Variants in PLAA observed in about 807,000 individuals in gnomAD.
The protein encoded by PLAA is phospholipase A2 activating protein.
In PLAA, 48 loss-of-function variants were observed where a neutral mutation model predicts 84.1. That is an observed-to-expected ratio of 0.57 (90% confidence interval 0.45 to 0.73). The LOEUF (loss-of-function observed/expected upper bound fraction) is 0.73, where lower values mean the gene tolerates loss of function less well. Ranked by LOEUF, PLAA falls within the 30% of genes least tolerant of loss-of-function variation. The pLI, the probability that PLAA is intolerant of heterozygous loss-of-function variation, is 0.00. For missense variants in PLAA, 903 were observed against 954.7 expected, an observed-to-expected ratio of 0.95 and a Z score of 0.71; for synonymous variants, 392 against 336.6, an observed-to-expected ratio of 1.16 and a Z score of -1.80.
chr9:26,927,146 A>C (rs1480661299), intron 4 of PLAA, among the ~76,000 whole-genome samples: 1 of 79,296 alleles, frequency 1.3e-5, no homozygotes, highest in Non-Finnish European at 2.2e-5. Context: ...TTTGAGATGG[A>C]GTCTCACTTT....
At chr9:26,906,931 C>T (rs1465714483) in intron 13 of PLAA, among the ~76,000 whole-genome samples, 1 of 146,090 alleles carries the variant, frequency 6.8e-6, no homozygotes, top group Non-Finnish European at 1.5e-5. Flanking sequence ...AGGATTTCAC[C>T]TAAAAAAAAA....
intron 10 of PLAA, chr9:26,916,532 G>T: frequency 1.0e-6 from 1 of 987,020 alleles, no homozygotes; most frequent in Non-Finnish European, 1.2e-6. Context: ...CTCCTGGGTA[G>T]TTGGGTGGAA....
chr9:26,931,770 G>A (rs575032673), intron 2 of PLAA, among the ~76,000 whole-genome samples: 2 of 152,242 alleles, frequency 1.3e-5, no homozygotes, highest in African/African-American at 2.4e-5. Flanking sequence ...GGCTGGGCAC[G>A]GTGGCTCATG....
intron 7 of PLAA, 85 bp from the exon 8 acceptor site, chr9:26,920,469 AT>A: frequency 1.3e-6 from 1 of 793,252 alleles, no homozygotes; most frequent in Non-Finnish European, 1.9e-6. Context: ...TAACATTAAA[AT>A]TTACACATAA....
intron 2 of PLAA, among the ~76,000 whole-genome samples, chr9:26,930,681 C>G (rs530067782): frequency 3.0e-4 from 46 of 151,456 alleles, no homozygotes; most frequent in Admixed American, 1.6e-3. Flanking sequence ...TTCCGAGGCA[C>G]AAGTGATTCT....
chr9:26,931,305 G>C (rs986183984), intron 2 of PLAA, among the ~76,000 whole-genome samples: 6 of 152,202 alleles, frequency 3.9e-5, no homozygotes, highest in African/African-American at 1.4e-4. Context: ...ATACAGAAAA[G>C]TCTTGGCGAT....
intron 11 of PLAA, among the ~76,000 whole-genome samples, chr9:26,913,513 A>T (rs1405777204): frequency 1.3e-5 from 2 of 152,234 alleles, no homozygotes; most frequent in Non-Finnish European, 2.9e-5. Flanking sequence ...AGACTTTGTA[A>T]GAGTAGTGAG....
intron 1 of PLAA, among the ~76,000 whole-genome samples, chr9:26,946,582 C>T (rs1825726641): frequency 1.3e-5 from 2 of 151,072 alleles, no homozygotes; most frequent in Admixed American, 1.3e-4. Context: ...CAACTGCAAT[C>T]AGTAAATTTT....
At position 26,907,865 on chromosome 9, in the gene PLAA, C is replaced by A. The variant is rs1824284080; in HGVS notation, c.1791G>T (p.Gln597His). ...SSEKPTVQQL[Q>H]ILWKAINCPE... ...GACAGTTAATAGCTTTCCACAAAAT[C>A]TGAAGTTGCTGGACTGTGGGTTTTT... The change falls in exon 13 of 14, where the codon CAG becomes CAT. Residue 597 changes from glutamine to histidine, a missense_variant. Coordinates refer to ENST00000397292, the MANE Select transcript of PLAA (RefSeq NM_001031689.3). The A allele has an allele frequency of 2.5e-6, 4 of 1,609,322 alleles. No individual in the cohort carries two copies. Among genetic ancestry groups the A allele is most frequent in the Non-Finnish European group, 3.4e-6 (4 of 1,179,000 alleles).
rs117136525 is a variant in PLAA, at chr9:26,942,532, C to T, written c.149+4365G>A. Among the ~76,000 whole-genome samples the T allele has an allele frequency of 4.0e-3, 615 of 152,284 alleles. 7 individuals carry two copies. The highest frequency in any genetic ancestry group is 0.026 in the East Asian group (135 of 5,184). On this transcript the variant is annotated intron_variant, in intron 1 of 13. Transcript: ENST00000397292. ...AAACAATTATTAGCCACATGCAGATCATAAAATTGTTGAGGAAGAGTTATC... is the reference window on the plus strand; with the variant it reads ...AAACAATTATTAGCCACATGCAGATTATAAAATTGTTGAGGAAGAGTTATC...
At chr9:26,914,578 AC>A (rs893049845) in intron 10 of PLAA, among the ~76,000 whole-genome samples, 4 of 134,726 alleles carry the variant, frequency 3.0e-5, no homozygotes, top group Non-Finnish European at 4.6e-5. Flanking sequence ...AAAAAGCAAA[AC>A]CAAAAAAAAA....
At chr9:26,934,984 G>T (rs756772022) in intron 2 of PLAA, 29 bp downstream of exon 2, 1 of 1,453,378 alleles carries the variant, frequency 6.9e-7, no homozygotes, top group South Asian at 1.4e-5. Context: ...ACTTCAAATA[G>T]AAAAACACCA....
Position 26,904,261 on chromosome 9 carries a change from G to C in PLAA, c.*1250C>G, listed in dbSNP as rs139460984. 6.6e-6 allele frequency: 1 copy of C among 152,218 alleles called. No individual in the cohort carries two copies. Among genetic ancestry groups the C allele is most frequent in the African/African-American group, 2.4e-5 (1 of 41,550 alleles). The allele number at this position is 152,218 out of a possible 1,614,324, so 9.4% of individuals were successfully genotyped here. A position where few individuals can be genotyped will look rare whatever the true frequency, so the allele number is the denominator to read the frequency against. ...TTTGGCATTAAGCCAGGGGATTCAT[G>C]GTTTTTACACCACGAGTATTGAGAA... On this transcript the variant is annotated 3_prime_UTR_variant, in exon 14 of 14. Coordinates refer to ENST00000397292, the MANE Select transcript of PLAA (RefSeq NM_001031689.3).
intron 1 of PLAA, among the ~76,000 whole-genome samples, chr9:26,941,156 C>CA (rs1313819884): frequency 0.021 from 522 of 25,144 alleles, 2 homozygotes; most frequent in East Asian, 0.074. Flanking sequence ...GGTATTAAGA[C>CA]AAAAAAAAAA....
rs1824167002 is a variant in PLAA at position 26,904,386 on chromosome 9, T to C, written c.*1125A>G. ...ACTGGGTTACCTCAGACACAATAAA[T>C]TGTGTAATTAATGTGATGGTTCCTT... On this transcript the variant is annotated 3_prime_UTR_variant, in exon 14 of 14. Transcript: ENST00000397292. 1 of 152,196 alleles carries C rather than the reference T, an allele frequency of 6.6e-6. No individual in the cohort carries two copies. The highest frequency in any genetic ancestry group is 1.5e-5 in the Non-Finnish European group (1 of 68,002). 9.4% of individuals were successfully genotyped at this position (152,196 alleles called of 1,614,324 possible). A position where few individuals can be genotyped will look rare whatever the true frequency, so the allele number is the denominator to read the frequency against.
intron 13 of PLAA, among the ~76,000 whole-genome samples, chr9:26,906,446 T>G (rs1481145297): frequency 2.3e-5 from 3 of 128,714 alleles, no homozygotes; most frequent in Non-Finnish European, 5.0e-5. Flanking sequence ...TTTTTTTTTT[T>G]GAGACAGTTT....
At chr9:26,922,285 GT>G (rs533715557) in intron 7 of PLAA, among the ~76,000 whole-genome samples, 11,965 of 142,830 alleles carry the variant, frequency 0.084, 704 homozygotes, top group African/African-American at 0.17. Flanking sequence ...TGTTTTTATT[GT>G]TTTTTTTTTT....
intron 2 of PLAA, 26 bp from the exon 3 acceptor site, chr9:26,928,434 C>A (rs1226941159): frequency 5.6e-6 from 8 of 1,423,744 alleles, no homozygotes; most frequent in East Asian, 4.5e-5. Context: ...CATTGGATAA[C>A]ACATTTTCAT....
At chr9:26,906,504 T>G (rs967850874) in intron 13 of PLAA, among the ~76,000 whole-genome samples, 2 of 147,548 alleles carry the variant, frequency 1.4e-5, no homozygotes, top group Non-Finnish European at 3.0e-5. Context: ...CTCGGCTCAC[T>G]GCAACCTCCA....
Sources: allele counts gnomAD v4.1 joint callset (sites outside exome capture counted in the v4.1 genomes callset), GRCh38; gene constraint gnomAD v4.1.1; transcripts MANE v1.5; gene names NCBI Gene and HGNC (gene_info 2026-07-23, HGNC 2026-07-21).